Variants in DAB1 observed in about 807,000 individuals in gnomAD.
The protein encoded by DAB1 is DAB adaptor protein 1.
In DAB1, 15 loss-of-function variants were observed where a neutral mutation model predicts 64.6. The ratio of observed to expected loss-of-function variants is 0.23; its 90% CI spans 0.16 to 0.36. The LOEUF (loss-of-function observed/expected upper bound fraction) is 0.36. DAB1 is among the 10% of genes least tolerant of loss of function. The probability of loss-of-function intolerance (pLI) is 1.00; values close to 1 mark genes in which losing one functional copy is unlikely to be tolerated. For missense variants in DAB1, 596 were observed against 706.7 expected, an observed-to-expected ratio of 0.84 and a Z score of 1.78; for synonymous variants, 235 against 251.9, an observed-to-expected ratio of 0.93 and a Z score of 0.64.
At chr1:57,080,806 T>C (rs1326503212) in intron 4 of DAB1, among the ~76,000 whole-genome samples, 1 of 151,956 alleles carries the variant, frequency 6.6e-6, no homozygotes, top group African/African-American at 2.4e-5. Flanking sequence ...TCAGTGTTAG[T>C]TTCCTAACAC....
chr1:58,240,168 G>C (rs1458633296), intron 4 of DAB1, among the ~76,000 whole-genome samples: 1 of 152,154 alleles, frequency 6.6e-6, no homozygotes, highest in African/African-American at 2.4e-5. Context: ...TCCAAAAATA[G>C]AACCTCAATT....
At chr1:57,894,724 A>C (rs1012489568) in intron 5 of DAB1, among the ~76,000 whole-genome samples, 5 of 152,142 alleles carry the variant, frequency 3.3e-5, no homozygotes, top group African/African-American at 1.2e-4. Context: ...TGCCCTGTGG[A>C]GAAAGGTTTG....
chr1:57,001,212 T>A (rs6701615), intron 14 of DAB1, among the ~76,000 whole-genome samples: 4,978 of 152,326 alleles, frequency 0.033, 80 homozygotes, highest in South Asian at 0.039. Flanking sequence ...GTCAAGGTCA[T>A]AACGGGGTCT....
chr1:57,800,559 G>A (rs193208453), intron 6 of DAB1, among the ~76,000 whole-genome samples: 145 of 152,300 alleles, frequency 9.5e-4, no homozygotes, highest in Non-Finnish European at 1.6e-3. Context: ...TTCCCCATGC[G>A]ATGGTAACAC....
At chr1:57,299,488 G>T (rs923256322) in intron 1 of DAB1, among the ~76,000 whole-genome samples, 3 of 152,116 alleles carry the variant, frequency 2.0e-5, no homozygotes, top group African/African-American at 7.2e-5. Context: ...AACATTAAAC[G>T]AATTTATTTG....
chr1:58,089,867 G>T (rs148048886), intron 5 of DAB1, among the ~76,000 whole-genome samples: 2 of 152,270 alleles, frequency 1.3e-5, no homozygotes, highest in South Asian at 4.2e-4. Context: ...GCCACCATCC[G>T]CTGGGGGCAG....
intron 6 of DAB1, among the ~76,000 whole-genome samples, chr1:57,650,922 G>C (rs1323890103): frequency 2.6e-5 from 4 of 152,114 alleles, no homozygotes; most frequent in Non-Finnish European, 5.9e-5. Flanking sequence ...AACCTAGTCA[G>C]AGACTGGCAC....
intron 3 of DAB1, among the ~76,000 whole-genome samples, chr1:58,388,142 A>T (rs569969087): frequency 6.6e-6 from 1 of 152,192 alleles, no homozygotes; most frequent in Non-Finnish European, 1.5e-5. Context: ...GATCAGAAAG[A>T]CAGGGAGGAG....
chr1:58,334,617 ATATTAT>A (rs1460603611), intron 4 of DAB1, among the ~76,000 whole-genome samples: 1 of 139,502 alleles, frequency 7.2e-6, no homozygotes, highest in African/African-American at 2.6e-5. Flanking sequence ...ATATTATATT[ATATTAT>A]ATTATATTAT....
chr1:58,188,190 T>C (rs141291269), intron 4 of DAB1, among the ~76,000 whole-genome samples: 1 of 152,346 alleles, frequency 6.6e-6, no homozygotes, highest in East Asian at 1.9e-4. Flanking sequence ...ATTACAGGCA[T>C]AAGCCACCAT....
At chr1:58,470,141 TTTATTTATTTA>T (rs1300096235) in intron 3 of DAB1, among the ~76,000 whole-genome samples, 4 of 149,406 alleles carry the variant, frequency 2.7e-5, no homozygotes, top group South Asian at 2.1e-4. Context: ...TATTTATTTA[TTTATTTATTTA>T]TTTATTTTTA....
chr1:57,827,466 C>T (rs1652401801), intron 1 of DAB1, among the ~76,000 whole-genome samples: 1 of 152,110 alleles, frequency 6.6e-6, no homozygotes, highest in Admixed American at 6.6e-5. Context: ...ATTTTCTGGA[C>T]CTATTTCTCA....
At chr1:57,204,199 ATTC>A (rs1665347776) in intron 2 of DAB1, among the ~76,000 whole-genome samples, 1 of 152,148 alleles carries the variant, frequency 6.6e-6, no homozygotes, top group Non-Finnish European at 1.5e-5. Flanking sequence ...CTGGAGTAGT[ATTC>A]TTTAAAAAAT....
At chr1:58,262,230 G>T (rs956729657) in intron 4 of DAB1, among the ~76,000 whole-genome samples, 13 of 152,192 alleles carry the variant, frequency 8.5e-5, no homozygotes, top group African/African-American at 3.1e-4. Flanking sequence ...AGTGGCCAGA[G>T]ATGTCAGAGG....
intron 7 of DAB1, among the ~76,000 whole-genome samples, chr1:57,645,888 G>C (rs1646186642): frequency 6.6e-6 from 1 of 152,280 alleles, no homozygotes; most frequent in Middle Eastern, 3.4e-3. Context: ...TACACTTGGG[G>C]CCTGGATATC....
intron 1 of DAB1, among the ~76,000 whole-genome samples, chr1:57,340,092 G>T (rs1282921105): frequency 6.6e-6 from 1 of 152,144 alleles, no homozygotes; most frequent in East Asian, 1.9e-4. Context: ...TGCTCTTCAA[G>T]TTACCCCAAC....
rs149951745 is a variant in DAB1, at chr1:58,036,526, C to G, written n.387+113985G>C. On this transcript the variant is annotated intron_variant and non_coding_transcript_variant, in intron 5 of 20. Coordinates refer to the DAB1 transcript ENST00000485760. ...AGCTGTTTCATTATCTACTTTATCA[C>G]AATCCACCAAAGGCCTTTATTCAAA... Among the ~76,000 whole-genome samples the G allele has an allele frequency of 2.7e-3, 406 of 152,306 alleles. 5 individuals are homozygous for G. Among genetic ancestry groups the G allele is most frequent in the African/African-American group, 9.1e-3 (377 of 41,574 alleles).
intron 4 of DAB1, among the ~76,000 whole-genome samples, chr1:58,197,157 C>T (rs146925739): frequency 1.1e-3 from 174 of 152,200 alleles, no homozygotes; most frequent in African/African-American, 4.0e-3. Context: ...GGAGCAGAAA[C>T]CCCCTGCAAG....
chr1:58,490,226 C>G (rs1025199716), intron 3 of DAB1, among the ~76,000 whole-genome samples: 7 of 152,108 alleles, frequency 4.6e-5, no homozygotes, highest in African/African-American at 1.7e-4. Context: ...ACTAGAATAA[C>G]CAATGCAGAG....
Sources: gnomAD v4.1 joint callset for allele counts (sites outside exome capture counted in the v4.1 genomes callset) on GRCh38, gnomAD v4.1.1 for gene constraint, MANE v1.5 for transcripts, NCBI Gene and HGNC (gene_info 2026-07-23, HGNC 2026-07-21) for gene names.